Variants in SLF1 observed in about 807,000 individuals in gnomAD.
SLF1 encodes SMC5-SMC6 complex localization factor protein 1.
In SLF1, 105 loss-of-function variants were observed where a neutral mutation model predicts 123.0. The observed-to-expected ratio is 0.85, with a 90% CI of 0.73 to 1.00. SLF1 has a LOEUF of 1.00. Ranked by LOEUF, SLF1 falls within the 50% of genes least tolerant of loss-of-function variation. SLF1 has a pLI of 0.00. For synonymous variants in SLF1, 434 were observed against 406.6 expected, an observed-to-expected ratio of 1.07 and a Z score of -0.81; for missense variants, 1,239 against 1,223.0, an observed-to-expected ratio of 1.01 and a Z score of -0.20.
chr5:94,635,533 G>A (rs2152469599), intron 4 of SLF1, among the ~76,000 whole-genome samples: 1 of 151,032 alleles, frequency 6.6e-6, no homozygotes, highest in East Asian at 1.9e-4. Context: ...GTCTTCCATT[G>A]TGGTTTGATG....
rs1468153487 is a variant in SLF1 at position 94,665,981 on chromosome 5, A to G, written c.1489A>G (p.Thr497Ala). Residue 497 changes from threonine (T) to alanine (A), a missense_variant, in exon 12 of 21, where the codon ACT becomes GCT. Physicochemically the swap from Thr to Ala is moderately conservative, Grantham distance 58. Transcript: ENST00000265140. ...TTATTTAGAGTTGTTTCAGTGTCCA[A>G]CTTGTATGAAAGGAGCATGGTCTTT... ...RYYLELFQCP[T>A]CMKGAWSLVE... 6 of 1,551,384 alleles carry G rather than the reference A, an allele frequency of 3.9e-6. No individual in the cohort carries two copies. In the Admixed American group the frequency reaches 7.8e-5, roughly 20 times the overall value.
intron 4 of SLF1, among the ~76,000 whole-genome samples, chr5:94,631,068 A>G (rs1745145379): frequency 6.6e-6 from 1 of 152,174 alleles, no homozygotes; most frequent in Non-Finnish European, 1.5e-5. Flanking sequence ...GACTTTTGGT[A>G]TTATCACAAA....
chr5:94,657,618 C>T lies in SLF1; in HGVS notation c.1155+2866C>T, dbSNP rs1748563291. Among the ~76,000 whole-genome samples, 8 of 152,074 alleles carry T rather than the reference C, an allele frequency of 5.3e-5. No homozygotes were observed. The South Asian group carries it at 1.7e-3, about 32-fold the overall frequency. The stretch of plus-strand genomic sequence containing the variant: ...TTGATTTTCTGTTTCGATAATCTGT[C>T]CAATGCTTAGAATGGGGTATTAGAG... On this transcript the variant is annotated intron_variant, in intron 9 of 20. Transcript: ENST00000265140.
rs576155448 is a variant in SLF1 at position 94,658,007 on chromosome 5, A to G, written c.1155+3255A>G. 8.0e-4 allele frequency among the ~76,000 whole-genome samples: 121 copies of G among 152,178 alleles called. 1 individual carries two copies. The highest frequency in any genetic ancestry group is 3.4e-3 in the Middle Eastern group (1 of 294). On this transcript the variant is annotated intron_variant, in intron 9 of 20. Transcript: ENST00000265140. Reference sequence around the variant, plus strand: ...ATACATGTAGCCAGTCAGCCAGTCTATATCTTTTATGTGGAGAATTTAATC... The same window carrying G: ...ATACATGTAGCCAGTCAGCCAGTCTGTATCTTTTATGTGGAGAATTTAATC...
intron 4 of SLF1, among the ~76,000 whole-genome samples, chr5:94,639,123 C>A (rs767554415): frequency 4.0e-4 from 58 of 144,118 alleles, no homozygotes; most frequent in Non-Finnish European, 7.3e-4. Flanking sequence ...TCACTGCAAC[C>A]TCTGCCTCCC....
Position 94,681,749 on chromosome 5 carries a change from C to T in SLF1, c.1975+2794C>T, listed in dbSNP as rs376416219. On this transcript the variant is annotated intron_variant, in intron 15 of 20. Coordinates refer to ENST00000265140, the MANE Select transcript of SLF1 (RefSeq NM_032290.4). ...ACCTATGAGTGAGAATATGCGGTGT[C>T]TGGTTTTTTGTTCTTGCGATAGTTT... Among the ~76,000 whole-genome samples, 4 of 150,332 alleles carry T rather than the reference C, an allele frequency of 2.7e-5. No individual in the cohort carries two copies. The South Asian group carries it at 6.3e-4, about 24-fold the overall frequency.
chr5:94,694,985 G>A lies in SLF1; in HGVS notation c.2850G>A (p.Gln950=), dbSNP rs200414681. ...AAGCAGAGAAACATTTTCATTACCA[G>A]CAACTTGAATTTGGCTCCTTTTTAC... ...HAQAEKHFHY[Q]QLEFGSFLLS... Residue 950 remains glutamine (Q), a synonymous_variant, in exon 21 of 21, where the codon CAG becomes CAA. Transcript: ENST00000265140. 1,611 of 1,612,530 alleles carry A rather than the reference G, an allele frequency of 1.0e-3. 35 individuals are homozygous for A. In the South Asian group the frequency reaches 0.016, roughly 17 times the overall value.
intron 15 of SLF1, among the ~76,000 whole-genome samples, chr5:94,680,234 A>G (rs923840417): frequency 9.2e-5 from 14 of 152,222 alleles, no homozygotes; most frequent in African/African-American, 3.4e-4. Flanking sequence ...TGCCCTCTGC[A>G]GAGAGAGTTC....
chr5:94,644,092 G>A (rs1421808065), intron 5 of SLF1, among the ~76,000 whole-genome samples: 1 of 151,996 alleles, frequency 6.6e-6, no homozygotes, highest in Non-Finnish European at 1.5e-5. Flanking sequence ...AAGTCTTACT[G>A]ATTTTATCTC....
intron 10 of SLF1, among the ~76,000 whole-genome samples, chr5:94,663,073 G>A (rs947004889): frequency 2.6e-5 from 4 of 152,228 alleles, no homozygotes; most frequent in Middle Eastern, 3.4e-3. Context: ...TATTTTAACA[G>A]AGTTCATTTT....
At chr5:94,685,901 T>TA (rs1752368728) in intron 15 of SLF1, among the ~76,000 whole-genome samples, 1 of 152,152 alleles carries the variant, frequency 6.6e-6, no homozygotes, top group South Asian at 2.1e-4. Flanking sequence ...AGGAAGTCGT[T>TA]ATACATGCTC....
intron 9 of SLF1, among the ~76,000 whole-genome samples, chr5:94,659,802 G>T (rs780697841): frequency 6.6e-6 from 1 of 152,164 alleles, no homozygotes; most frequent in Admixed American, 6.5e-5. Context: ...CAATCCCTGT[G>T]CCTCCTGGTG....
intron 9 of SLF1, among the ~76,000 whole-genome samples, chr5:94,659,495 T>C (rs1262205575): frequency 2.6e-5 from 4 of 152,232 alleles, no homozygotes; most frequent in Non-Finnish European, 5.9e-5. Flanking sequence ...ATAGGTTTTT[T>C]CTATAGTTGT....
intron 5 of SLF1, among the ~76,000 whole-genome samples, chr5:94,647,493 A>G (rs968024628): frequency 2.0e-5 from 3 of 152,190 alleles, no homozygotes; most frequent in African/African-American, 7.2e-5. Flanking sequence ...CATTGCCACA[A>G]CTGTGTTGCC....
At position 94,686,563 on chromosome 5, in the gene SLF1, T is replaced by C; in HGVS notation, c.1976-10T>C. The C allele has an allele frequency of 6.2e-7, 1 of 1,613,130 alleles. No homozygotes were observed. Among genetic ancestry groups the C allele is most frequent in the Non-Finnish European group, 8.5e-7 (1 of 1,179,296 alleles). Reference sequence around the variant, plus strand: ...GCAATAACTATATTAACTTACCTTATGTTCTCCAGACTTTTCTTCACAGGA... The same window carrying C: ...GCAATAACTATATTAACTTACCTTACGTTCTCCAGACTTTTCTTCACAGGA... On this transcript the variant is annotated splice_polypyrimidine_tract_variant and intron_variant, in intron 15 of 20. Transcript: ENST00000265140.
intron 14 of SLF1, among the ~76,000 whole-genome samples, chr5:94,677,538 GAA>G (rs1278913508): frequency 2.0e-5 from 3 of 152,044 alleles, no homozygotes; most frequent in Admixed American, 1.3e-4. Context: ...GGATTAATTA[GAA>G]AGAAATTAGA....
intron 3 of SLF1, among the ~76,000 whole-genome samples, 196 bp downstream of exon 3, chr5:94,629,363 A>C (rs984864186): frequency 6.6e-6 from 1 of 152,106 alleles, no homozygotes; most frequent in Non-Finnish European, 1.5e-5. Flanking sequence ...AAATGTATTA[A>C]ATAGGCAGAA....
chr5:94,638,565 C>T (rs1414389343), intron 4 of SLF1, among the ~76,000 whole-genome samples: 3 of 152,200 alleles, frequency 2.0e-5, no homozygotes, highest in African/African-American at 7.2e-5. Context: ...GAGTGGACTT[C>T]CTGAGATGTA....
At chr5:94,682,366 A>T (rs925937206) in intron 15 of SLF1, among the ~76,000 whole-genome samples, 1 of 141,140 alleles carries the variant, frequency 7.1e-6, no homozygotes, top group African/African-American at 2.6e-5. Context: ...TATTCCTTTT[A>T]AAAAAAATCA....
Sources: gnomAD v4.1 joint callset for allele counts (sites outside exome capture counted in the v4.1 genomes callset) on GRCh38, gnomAD v4.1.1 for gene constraint, MANE v1.5 for transcripts, NCBI Gene and HGNC (gene_info 2026-07-23, HGNC 2026-07-21) for gene names.